TMEM132B: variants seen among roughly 807,000 people sequenced by gnomAD.
The protein encoded by TMEM132B is transmembrane protein 132B.
In TMEM132B, 18 loss-of-function variants were observed where a neutral mutation model predicts 90.8. The observed-to-expected ratio is 0.20, with a 90% CI of 0.14 to 0.29. The LOEUF is 0.29. Ranked by LOEUF, TMEM132B falls within the 10% of genes least tolerant of loss-of-function variation. The probability of loss-of-function intolerance (pLI) is 1.00; values close to 1 mark genes in which losing one functional copy is unlikely to be tolerated. For missense variants in TMEM132B, 1,096 were observed against 1,326.8 expected (o/e 0.83, Z 2.70); for synonymous variants, 504 against 523.3 (o/e 0.96, Z 0.50).
intron 3 of TMEM132B, among the ~76,000 whole-genome samples, chr12:125,480,480 C>A (rs1330522968): frequency 2.0e-5 from 3 of 152,154 alleles, no homozygotes; most frequent in Non-Finnish European, 4.4e-5. Context: ...ACTATAAACA[C>A]CTCTACGCAA....
intron 5 of TMEM132B, chr12:125,588,217 G>A (rs1382229087): frequency 6.6e-6 from 1 of 152,146 alleles, no homozygotes; most frequent in Non-Finnish European, 1.5e-5. Flanking sequence ...TACCATCTCT[G>A]AGCCTAGTTT....
intron 6 of TMEM132B, among the ~76,000 whole-genome samples, chr12:125,645,012 T>C (rs1257525203): frequency 1.3e-5 from 2 of 151,850 alleles, no homozygotes; most frequent in African/African-American, 4.8e-5. Context: ...GGTCTGGAGA[T>C]CGACACCATC....
intron 3 of TMEM132B, among the ~76,000 whole-genome samples, chr12:125,470,197 C>T (rs1881673900): frequency 6.6e-6 from 1 of 152,152 alleles, no homozygotes; most frequent in African/African-American, 2.4e-5. Context: ...GAGTGAGCTG[C>T]ACCAACAGTC....
At chr12:125,500,380 GA>G (rs1157993998) in intron 3 of TMEM132B, among the ~76,000 whole-genome samples, 1 of 152,178 alleles carries the variant, frequency 6.6e-6, no homozygotes, top group Non-Finnish European at 1.5e-5. Flanking sequence ...CTACCCACTG[GA>G]TGCTGCTAGT....
Position 125,492,483 on chromosome 12 carries a change from C to T in TMEM132B, c.1107-26956C>T, listed in dbSNP as rs1263233782. Among the ~76,000 whole-genome samples, 1 of 152,090 alleles carries T rather than the reference C, an allele frequency of 6.6e-6. No individual in the cohort carries two copies. Among genetic ancestry groups the T allele is most frequent in the Non-Finnish European group, 1.5e-5 (1 of 68,008 alleles). ...CCGACTGCTCCTTCCTGGGATGTGC[C>T]GCCACCTCCCCAGGGCCTTTCCCTA... On this transcript the variant is annotated intron_variant, in intron 3 of 8. Coordinates refer to ENST00000682704, the MANE Select transcript of TMEM132B (RefSeq NM_001366854.1). The surrounding 1 kb of genome is among the most constrained non-coding windows in gnomAD (Gnocchi z 5.8).
chr12:125,345,435 A>T (rs1877324686), intron 1 of TMEM132B, among the ~76,000 whole-genome samples: 1 of 152,202 alleles, frequency 6.6e-6, no homozygotes, highest in South Asian at 2.1e-4. Context: ...GTCCATGTCC[A>T]GGAATGTTTT....
At chr12:125,220,536 C>T (rs561249976) in intron 1 of TMEM132B, among the ~76,000 whole-genome samples, 3 of 152,334 alleles carry the variant, frequency 2.0e-5, no homozygotes, top group East Asian at 1.9e-4. Flanking sequence ...GAGAAAGTGA[C>T]GATAGCGATT....
At chr12:125,404,715 C>T (rs186796364) in intron 2 of TMEM132B, among the ~76,000 whole-genome samples, 13 of 152,282 alleles carry the variant, frequency 8.5e-5, no homozygotes, top group Admixed American at 7.8e-4. Context: ...CACAGCTAGT[C>T]CTTCTTGCAG....
intron 1 of TMEM132B, among the ~76,000 whole-genome samples, chr12:125,225,087 C>A (rs1190003338): frequency 6.6e-6 from 1 of 152,190 alleles, no homozygotes; most frequent in African/African-American, 2.4e-5. Context: ...CACAGACCTG[C>A]ACACATGTGC....
At position 125,314,390 on chromosome 12, in the gene TMEM132B, C is replaced by G. The variant is rs142617584; in HGVS notation, c.68-35062C>G. Among the ~76,000 whole-genome samples the G allele has an allele frequency of 4.9e-3, 743 of 152,316 alleles. 3 individuals are homozygous for G. The highest frequency in any genetic ancestry group is 8.1e-3 in the Non-Finnish European group (550 of 68,026). Reference sequence around the variant, plus strand: ...CAGCAGATGGGAGGCTCTTTCTTTCCTTCTTGCTCAGAAGCCTGGTTTGCA... The same window carrying G: ...CAGCAGATGGGAGGCTCTTTCTTTCGTTCTTGCTCAGAAGCCTGGTTTGCA... On this transcript the variant is annotated intron_variant, in intron 1 of 8. Coordinates refer to ENST00000682704, the MANE Select transcript of TMEM132B (RefSeq NM_001366854.1).
intron 1 of TMEM132B, among the ~76,000 whole-genome samples, chr12:125,338,458 A>G (rs763162626): frequency 3.3e-5 from 5 of 152,166 alleles, no homozygotes; most frequent in Admixed American, 1.3e-4. Flanking sequence ...CCTTTTGAAG[A>G]GCTACTGGGG....
intron 1 of TMEM132B, among the ~76,000 whole-genome samples, chr12:125,337,926 T>A: frequency 6.6e-6 from 1 of 152,250 alleles, no homozygotes; most frequent in East Asian, 1.9e-4. Flanking sequence ...TGGTTTTAGT[T>A]CTTCTGGTGA....
intron 3 of TMEM132B, among the ~76,000 whole-genome samples, chr12:125,500,947 G>T (rs780739821): frequency 6.6e-6 from 1 of 152,188 alleles, no homozygotes; most frequent in Non-Finnish European, 1.5e-5. Flanking sequence ...AGGGCCTAAG[G>T]ATAGGAAGGT....
chr12:125,192,732 A>C (rs185795934), intron 1 of TMEM132B, among the ~76,000 whole-genome samples: 1 of 152,310 alleles, frequency 6.6e-6, no homozygotes, highest in East Asian at 1.9e-4. Context: ...GAAACAGCAG[A>C]TGTGGAAGGC....
intron 1 of TMEM132B, among the ~76,000 whole-genome samples, chr12:125,259,353 G>A (rs1276872942): frequency 1.3e-5 from 2 of 152,182 alleles, no homozygotes; most frequent in Admixed American, 6.5e-5. Flanking sequence ...GCTTGACTAG[G>A]TCTACCTCTT....
In TMEM132B at chr12:125,560,831, CA is replaced by C. The variant is rs58083131; in HGVS notation, c.1294-22991del. 8.2e-3 allele frequency among the ~76,000 whole-genome samples: 239 copies of C among 29,224 alleles called. 1 individual carries two copies. Among genetic ancestry groups the C allele is most frequent in the African/African-American group, 0.041 (220 of 5,374 alleles). 19.2% of individuals were successfully genotyped at this position (29,224 alleles called of 152,430 possible). On this transcript the variant is annotated intron_variant, in intron 4 of 8. Transcript: ENST00000682704. ...TGGGTGACAGAGCGAGACTCTGTCTCAAAAAAAAAAAAAAAAAAAAAAAAAA... is the reference window on the plus strand; with the variant it reads ...TGGGTGACAGAGCGAGACTCTGTCTCAAAAAAAAAAAAAAAAAAAAAAAAA...
chr12:125,331,041 G>GGGA (rs1446565285), intron 1 of TMEM132B, among the ~76,000 whole-genome samples: 4 of 152,220 alleles, frequency 2.6e-5, no homozygotes, highest in African/African-American at 9.6e-5. Flanking sequence ...TCTGGAAGAG[G>GGGA]GGAGGGATGC....
In TMEM132B at chr12:125,644,201, G is replaced by C. The variant is rs765868848; in HGVS notation, c.1563G>C (p.Arg521Ser). 3 of 1,614,186 alleles carry C rather than the reference G, an allele frequency of 1.9e-6. No homozygotes were observed. The highest frequency in any genetic ancestry group is 2.5e-6 in the Non-Finnish European group (3 of 1,180,036). The change falls in exon 6 of 9, where the codon AGG (arginine) becomes AGC (serine). Residue 521 changes from arginine to serine, a missense_variant. By Grantham distance (110) the Arg-to-Ser change is moderately radical. Coordinates refer to ENST00000682704, the MANE Select transcript of TMEM132B (RefSeq NM_001366854.1). ...TCGAGGTCACTGTCTGGGCACCCAG[G>C]CTCCCCCTGCAGATTGAGATCTCAG... is the stretch of plus-strand genomic sequence containing the variant. Reference protein sequence around the residue: ...SQFEVTVWAPRLPLQIEISDT... With the variant: ...SQFEVTVWAPSLPLQIEISDT...
intron 4 of TMEM132B, among the ~76,000 whole-genome samples, chr12:125,562,534 A>C (rs1280350123): frequency 6.6e-6 from 1 of 152,168 alleles, no homozygotes; most frequent in African/African-American, 2.4e-5. Flanking sequence ...TTTTGATTTA[A>C]AGTGAGAGAT....
Sources: allele counts gnomAD v4.1 joint callset (sites outside exome capture counted in the v4.1 genomes callset), GRCh38; gene constraint gnomAD v4.1.1; non-coding constraint Gnocchi (gnomAD v3.1); transcripts MANE v1.5; gene names NCBI Gene and HGNC (gene_info 2026-07-23, HGNC 2026-07-21).